Variants in SUGCT observed in about 807,000 individuals in gnomAD.
SUGCT encodes the protein succinyl-CoA:glutarate CoA-transferase.
A neutral mutation model predicts 55.0 loss-of-function variants in SUGCT; 41 were observed. The ratio of observed to expected loss-of-function variants is 0.74; its 90% CI spans 0.58 to 0.97. The LOEUF (loss-of-function observed/expected upper bound fraction) is 0.97. SUGCT is among the 50% of genes least tolerant of loss of function. The probability of loss-of-function intolerance (pLI) is 0.00; values close to 1 mark genes in which losing one functional copy is unlikely to be tolerated. For synonymous variants in SUGCT, 187 were observed against 200.4 expected (o/e 0.93, Z 0.56); for missense variants, 568 against 547.8 (o/e 1.04, Z -0.37).
chr7:40,502,977 C>T (rs1441550568), intron 12 of SUGCT, among the ~76,000 whole-genome samples: 1 of 151,996 alleles, frequency 6.6e-6, no homozygotes, highest in African/African-American at 2.4e-5. Context: ...TTGGCAACCT[C>T]CTAAATTTGT....
At chr7:40,959,767 C>A in the SUGCT span, among the ~76,000 whole-genome samples, 1 of 151,990 alleles carries the variant, frequency 6.6e-6, no homozygotes. Context: ...CAAAAGGTCA[C>A]CCAGCTTTGT....
intron 13 of SUGCT, among the ~76,000 whole-genome samples, chr7:40,803,565 G>A (rs1790930793): frequency 6.6e-6 from 1 of 151,922 alleles, no homozygotes; most frequent in South Asian, 2.1e-4. Context: ...CCCTCATATT[G>A]CATCTTCTTA....
the SUGCT span, among the ~76,000 whole-genome samples, chr7:41,011,425 C>T: frequency 1.3e-5 from 2 of 152,202 alleles, no homozygotes; most frequent in Non-Finnish European, 2.9e-5. Flanking sequence ...TAATCTTTGT[C>T]TCTTCTGCTA....
At chr7:40,952,818 A>G in the SUGCT span, among the ~76,000 whole-genome samples, 1 of 152,174 alleles carries the variant, frequency 6.6e-6, no homozygotes, top group African/African-American at 2.4e-5. Flanking sequence ...CTGCTGACAG[A>G]TCCACTGTTA....
the SUGCT span, among the ~76,000 whole-genome samples, chr7:40,960,478 C>G: frequency 6.6e-6 from 1 of 152,076 alleles, no homozygotes; most frequent in Non-Finnish European, 1.5e-5. Context: ...CTTCCAGGTC[C>G]AAACAATATG....
chr7:40,199,418 A>G (rs1429051484), intron 6 of SUGCT, among the ~76,000 whole-genome samples: 7 of 152,192 alleles, frequency 4.6e-5, no homozygotes, highest in South Asian at 2.1e-4. Flanking sequence ...TTAAACAGCT[A>G]TTATTCACTA....
Position 40,652,341 on chromosome 7 carries a change from A to G in SUGCT, c.1090-97093A>G, listed in dbSNP as rs187721955. On this transcript the variant is annotated intron_variant, in intron 12 of 13. Transcript: ENST00000335693. ...TATAGTGCACCTCTATTCTATCAACAGAACAACTTACTCCTGCCCTGCCTT... is the reference window on the plus strand; with the variant it reads ...TATAGTGCACCTCTATTCTATCAACGGAACAACTTACTCCTGCCCTGCCTT... Among the ~76,000 whole-genome samples, 129 of 152,342 alleles carry G rather than the reference A, an allele frequency of 8.5e-4. 1 individual carries two copies. The highest frequency in any genetic ancestry group is 8.7e-4 in the Non-Finnish European group (59 of 68,030).
chr7:40,345,473 T>G (rs1236214009), intron 9 of SUGCT, among the ~76,000 whole-genome samples: 1 of 152,212 alleles, frequency 6.6e-6, no homozygotes, highest in East Asian at 1.9e-4. Context: ...TTCTTTCAAT[T>G]TTTTGAGTTT....
intron 12 of SUGCT, among the ~76,000 whole-genome samples, chr7:40,629,734 C>A (rs983294866): frequency 6.6e-5 from 10 of 152,078 alleles, no homozygotes; most frequent in African/African-American, 2.4e-4. Context: ...TTAAGAAATA[C>A]CAGTTTTTAA....
chr7:40,750,010 T>G (rs1266277747), intron 13 of SUGCT, among the ~76,000 whole-genome samples: 1 of 152,160 alleles, frequency 6.6e-6, no homozygotes, highest in Non-Finnish European at 1.5e-5. Context: ...ATAGATTGAA[T>G]TTTTGGAAGT....
chr7:40,855,505 C>A (rs1794125696), intron 13 of SUGCT, among the ~76,000 whole-genome samples: 1 of 147,886 alleles, frequency 6.8e-6, no homozygotes, highest in South Asian at 2.1e-4. Context: ...GTTTAAATTG[C>A]ATTTTTTTTT....
intron 12 of SUGCT, among the ~76,000 whole-genome samples, chr7:40,713,828 A>G (rs949480981): frequency 2.0e-5 from 3 of 152,152 alleles, no homozygotes; most frequent in Admixed American, 2.0e-4. Context: ...CCCTCTCCCA[A>G]TGCTCCCCAT....
At chr7:40,571,374 A>G (rs766509975) in intron 12 of SUGCT, among the ~76,000 whole-genome samples, 8 of 152,206 alleles carry the variant, frequency 5.3e-5, no homozygotes, top group Non-Finnish European at 1.2e-4. Flanking sequence ...TTCTTTGACT[A>G]TGAAATTTAT....
chr7:40,712,491 G>A (rs1785779643), intron 12 of SUGCT, among the ~76,000 whole-genome samples: 1 of 152,182 alleles, frequency 6.6e-6, no homozygotes, highest in Admixed American at 6.5e-5. Context: ...GGAACATAAT[G>A]CAGTATGGAA....
chr7:40,321,359 G>A (rs4723949), intron 9 of SUGCT, among the ~76,000 whole-genome samples: 30,897 of 151,540 alleles, frequency 0.2, 3,293 homozygotes, highest in African/African-American at 0.24. Flanking sequence ...TTATGGCCAT[G>A]AGCCACCGTG....
chr7:40,356,488 G>A (rs940796300), intron 9 of SUGCT, among the ~76,000 whole-genome samples: 2 of 152,200 alleles, frequency 1.3e-5, no homozygotes, highest in African/African-American at 4.8e-5. Context: ...AGTGGAGTGA[G>A]TCAGAATATT....
intron 1 of SUGCT, among the ~76,000 whole-genome samples, chr7:40,157,514 G>A (rs545631392): frequency 6.6e-6 from 1 of 152,190 alleles, no homozygotes; most frequent in African/African-American, 2.4e-5. Flanking sequence ...TTACTTTCAG[G>A]TTACAAGAAT....
chr7:40,865,695 G>A (rs1794565397), downstream of SUGCT, among the ~76,000 whole-genome samples: 1 of 152,094 alleles, frequency 6.6e-6, no homozygotes, highest in South Asian at 2.1e-4. Flanking sequence ...GTGTGATCGG[G>A]GACTGTTCTG....
intron 9 of SUGCT, among the ~76,000 whole-genome samples, chr7:40,390,828 T>C (rs1352911260): frequency 2.0e-5 from 3 of 152,222 alleles, no homozygotes; most frequent in East Asian, 1.9e-4. Context: ...ATTGCCAAGA[T>C]AATCCTAAGC....
Sources: gnomAD v4.1 joint callset for allele counts (sites outside exome capture counted in the v4.1 genomes callset) on GRCh38, gnomAD v4.1.1 for gene constraint, MANE v1.5 for transcripts, NCBI Gene and HGNC (gene_info 2026-07-23, HGNC 2026-07-21) for gene names.